Variants in ACYP2 observed in about 807,000 individuals in gnomAD.
The protein encoded by ACYP2 is acylphosphatase-2.
In ACYP2, 12 loss-of-function variants were observed where a neutral mutation model predicts 11.2. The ratio of observed to expected loss-of-function variants is 1.08; its 90% CI spans 0.69 to 1.74. ACYP2 has a LOEUF of 1.74. Among genes scored for constraint, ACYP2 ranks in the 40% most tolerant of loss-of-function variants. ACYP2 has a pLI of 0.00. For missense variants in ACYP2, 134 were observed against 101.9 expected (o/e 1.31, Z -1.35); for synonymous variants, 43 against 32.2 (o/e 1.33, Z -1.13).
chr2:54,244,268 C>T (rs932915899), intron 6 of ACYP2, among the ~76,000 whole-genome samples: 31 of 152,154 alleles, frequency 2.0e-4, no homozygotes, highest in African/African-American at 7.2e-4. Context: ...GTGGTGCAAT[C>T]TCAGTTCACT....
At chr2:54,158,039 T>A (rs1039425216) in intron 6 of ACYP2, among the ~76,000 whole-genome samples, 8 of 151,798 alleles carry the variant, frequency 5.3e-5, no homozygotes, top group East Asian at 1.9e-4. Context: ...TATTATTATT[T>A]TTTTGAGATG....
chr2:54,267,145 G>A (rs1688071318), intron 6 of ACYP2: 1 of 721,344 alleles, frequency 1.4e-6, no homozygotes, highest in African/African-American at 1.8e-5. Flanking sequence ...CTGTATTGTT[G>A]AGTTGTTATA....
At chr2:54,181,028 C>T (rs1683696391) in intron 6 of ACYP2, among the ~76,000 whole-genome samples, 1 of 152,166 alleles carries the variant, frequency 6.6e-6, no homozygotes, top group Non-Finnish European at 1.5e-5. Context: ...GATCTCTTTA[C>T]TTAGGTTAAC....
intron 6 of ACYP2, among the ~76,000 whole-genome samples, chr2:54,197,514 C>T (rs1375738111): frequency 1.3e-5 from 2 of 152,160 alleles, no homozygotes; most frequent in East Asian, 3.8e-4. Flanking sequence ...GTATCCAAAA[C>T]CAATGCATGC....
intron 4 of ACYP2, among the ~76,000 whole-genome samples, chr2:54,113,274 C>CT (rs1188477274): frequency 6.7e-6 from 1 of 148,158 alleles, no homozygotes; most frequent in African/African-American, 2.5e-5. Context: ...GGGTCTCGCT[C>CT]TGTCACCCAG....
rs59747534 is a variant in ACYP2 at position 54,193,371 on chromosome 2, T to C, written c.404+54623T>C. Among the ~76,000 whole-genome samples the C allele has an allele frequency of 1.1e-4, 16 of 152,304 alleles. No homozygotes were observed. In the East Asian group the frequency reaches 2.7e-3, roughly 26 times the overall value. ...GGAAATGATGATCAAACTTCGTTGA[T>C]AGAAGGAAATGTAAGTTTAGGGAGA... On this transcript the variant is annotated intron_variant, in intron 6 of 6. Coordinates refer to ENST00000607452, the MANE Select transcript of ACYP2 (RefSeq NM_001320586.2).
intron 6 of ACYP2, among the ~76,000 whole-genome samples, chr2:54,159,727 C>G (rs531406554): frequency 6.6e-6 from 1 of 152,170 alleles, no homozygotes; most frequent in East Asian, 1.9e-4. Flanking sequence ...AGCTCTGGGG[C>G]AGCACAGTGG....
chr2:54,097,202 C>A (rs906847782), intron 4 of ACYP2, among the ~76,000 whole-genome samples: 1 of 152,246 alleles, frequency 6.6e-6, no homozygotes, highest in Non-Finnish European at 1.5e-5. Context: ...GGCCCCACTC[C>A]TGGTCCTTCT....
intron 2 of ACYP2, among the ~76,000 whole-genome samples, chr2:54,031,678 C>G (rs962106232): frequency 1.3e-5 from 2 of 152,130 alleles, no homozygotes; most frequent in African/African-American, 4.8e-5. Flanking sequence ...ATTTCTAGTT[C>G]TAGATCCCTG....
chr2:54,095,128 C>T (rs983819759), intron 4 of ACYP2, among the ~76,000 whole-genome samples: 2 of 151,936 alleles, frequency 1.3e-5, no homozygotes, highest in African/African-American at 4.8e-5. Flanking sequence ...TTTAACAAAG[C>T]ACATCTTGCA....
intron 2 of ACYP2, among the ~76,000 whole-genome samples, chr2:54,005,482 G>A (rs1673017514): frequency 6.6e-6 from 1 of 152,124 alleles, no homozygotes; most frequent in South Asian, 2.1e-4. Context: ...TGGGAGTACA[G>A]GCGTGTGCCA....
chr2:54,159,801 T>C (rs1311969593), intron 6 of ACYP2, among the ~76,000 whole-genome samples: 2 of 152,138 alleles, frequency 1.3e-5, no homozygotes, highest in African/African-American at 2.4e-5. Context: ...GCTTCCTCTG[T>C]CACTATTCAT....
At chr2:54,199,169 T>G (rs1284265955) in intron 6 of ACYP2, among the ~76,000 whole-genome samples, 2 of 152,234 alleles carry the variant, frequency 1.3e-5, no homozygotes, top group Non-Finnish European at 2.9e-5. Flanking sequence ...TGAACGGTCC[T>G]TGCTCGCTGA....
At chr2:54,290,167 G>A (rs886700957) in intron 6 of ACYP2, among the ~76,000 whole-genome samples, 36 of 152,130 alleles carry the variant, frequency 2.4e-4, no homozygotes, top group African/African-American at 8.7e-4. Flanking sequence ...GAGCCGGTGG[G>A]TGCCCGGCTG....
At chr2:53,982,764 A>T (rs1272003125) in intron 2 of ACYP2, among the ~76,000 whole-genome samples, 2 of 151,780 alleles carry the variant, frequency 1.3e-5, no homozygotes, top group African/African-American at 4.8e-5. Flanking sequence ...TTCGACTCAA[A>T]TGTTAAGCCT....
At chr2:54,266,184 G>C (rs544641219) in intron 6 of ACYP2, among the ~76,000 whole-genome samples, 1 of 152,144 alleles carries the variant, frequency 6.6e-6, no homozygotes, top group African/African-American at 2.4e-5. Flanking sequence ...CTTATGGTCT[G>C]CAACTAAAGG....
chr2:53,977,337 G>A (rs565092798), intron 2 of ACYP2, among the ~76,000 whole-genome samples: 6 of 152,196 alleles, frequency 3.9e-5, no homozygotes, highest in South Asian at 4.1e-4. Flanking sequence ...GAGCCGCCGC[G>A]CCTGGCCAGG....
At chr2:53,973,875 G>C (rs1159191924) in intron 2 of ACYP2, 1 of 116,472 alleles carries the variant, frequency 8.6e-6, no homozygotes, top group African/African-American at 4.2e-5. Context: ...GTGTGTGTGT[G>C]TGTGTGTGTG....
At chr2:54,265,188 A>G (rs1687958912) in intron 6 of ACYP2, among the ~76,000 whole-genome samples, 1 of 152,108 alleles carries the variant, frequency 6.6e-6, no homozygotes, top group Non-Finnish European at 1.5e-5. Context: ...GAAATTTACA[A>G]AAGAAAGAGG....
Sources: gnomAD v4.1 joint callset for allele counts (sites outside exome capture counted in the v4.1 genomes callset) on GRCh38, gnomAD v4.1.1 for gene constraint, MANE v1.5 for transcripts, NCBI Gene and HGNC (gene_info 2026-07-23, HGNC 2026-07-21) for gene names.